The following SLC25A21 variants were observed in gnomAD, a reference collection of about 807,000 sequenced individuals.
SLC25A21 encodes mitochondrial 2-oxodicarboxylate carrier.
SLC25A21 carries 47 observed loss-of-function variants against 43.8 expected under a neutral mutation model. That is an observed-to-expected ratio of 1.07 (90% CI 0.85 to 1.37). The LOEUF is 1.37. SLC25A21 is among the 40% of genes most tolerant of loss of function. The probability of loss-of-function intolerance (pLI) is 0.00; values close to 1 mark genes in which losing one functional copy is unlikely to be tolerated. For synonymous variants in SLC25A21, 131 were observed against 121.3 expected (o/e 1.08, Z -0.52); for missense variants, 352 against 350.2 (o/e 1.00, Z -0.04).
Position 36,680,203 on chromosome 14 carries a change from T to C in SLC25A21, c.*455A>G. 1 of 862,488 alleles carries C rather than the reference T, an allele frequency of 1.2e-6. No individual in the cohort carries two copies. Among genetic ancestry groups the C allele is most frequent in the Non-Finnish European group, 1.4e-6 (1 of 718,546 alleles). The allele number at this position is 862,488 out of a possible 1,614,324, so 53.4% of individuals were successfully genotyped here. A position where few individuals can be genotyped will look rare whatever the true frequency, so the allele number is the denominator to read the frequency against. On this transcript the variant is annotated 3_prime_UTR_variant, in exon 10 of 10. Coordinates refer to ENST00000331299, the MANE Select transcript of SLC25A21 (RefSeq NM_030631.4). ...TTATTTATGGAATAATTTAATTCAT[T>C]ATAAAAACTGCTTAAATTTTGGCTT...
chr14:36,918,501 T>C (rs75108834), intron 1 of SLC25A21, among the ~76,000 whole-genome samples: 8,090 of 152,226 alleles, frequency 0.053, 331 homozygotes, highest in Middle Eastern at 0.14. Flanking sequence ...ACAGACTCCC[T>C]ACCTGAATCT....
intron 9 of SLC25A21, among the ~76,000 whole-genome samples, chr14:36,683,301 A>G (rs1310966617): frequency 1.3e-5 from 2 of 152,236 alleles, no homozygotes; most frequent in Non-Finnish European, 2.9e-5. Context: ...CTCCAGCGTC[A>G]TGCTGACAAA....
chr14:36,982,352 C>A (rs890940197), intron 1 of SLC25A21, among the ~76,000 whole-genome samples: 19 of 152,118 alleles, frequency 1.2e-4, no homozygotes, highest in African/African-American at 4.1e-4. Context: ...AGTAAACCTG[C>A]AGTGTACAAA....
intron 1 of SLC25A21, among the ~76,000 whole-genome samples, chr14:36,940,837 G>A (rs1892537680): frequency 6.6e-6 from 1 of 152,134 alleles, no homozygotes; most frequent in Non-Finnish European, 1.5e-5. Context: ...TTCCAACCAA[G>A]ATTTGGGCTG....
intron 1 of SLC25A21, among the ~76,000 whole-genome samples, chr14:37,049,225 G>A (rs1276646873): frequency 4.6e-5 from 7 of 152,136 alleles, no homozygotes; most frequent in Non-Finnish European, 8.8e-5. Context: ...AATCACGTCA[G>A]TAAGTTTCAC....
At position 36,679,944 on chromosome 14, in the gene SLC25A21, A is replaced by T; in HGVS notation, c.*714T>A. The T allele has an allele frequency of 2.3e-6, 2 of 882,920 alleles. No homozygotes were observed. The highest frequency in any genetic ancestry group is 2.7e-6 in the Non-Finnish European group (2 of 750,996). 54.7% of individuals were successfully genotyped at this position (882,920 alleles called of 1,614,324 possible). ...AGATTTGGAATACCTTGATTTAAACATGCTTAAACAACAGTGTTTTAACAT... is the reference window on the plus strand; with the variant it reads ...AGATTTGGAATACCTTGATTTAAACTTGCTTAAACAACAGTGTTTTAACAT... On this transcript the variant is annotated 3_prime_UTR_variant, in exon 10 of 10. Coordinates refer to ENST00000331299, the MANE Select transcript of SLC25A21 (RefSeq NM_030631.4).
At chr14:37,132,006 T>C (rs577547232) in intron 1 of SLC25A21, among the ~76,000 whole-genome samples, 1 of 152,284 alleles carries the variant, frequency 6.6e-6, no homozygotes, top group South Asian at 2.1e-4. Flanking sequence ...AAGAAATTTA[T>C]TTCTCACAGT....
intron 6 of SLC25A21, among the ~76,000 whole-genome samples, chr14:36,720,384 A>G (rs181769445): frequency 1.2e-4 from 19 of 152,334 alleles, no homozygotes; most frequent in African/African-American, 4.1e-4. Context: ...GCTGTGTAGG[A>G]CACCATGGTG....
chr14:36,720,271 C>G (rs1224177941), intron 6 of SLC25A21, among the ~76,000 whole-genome samples: 1 of 152,240 alleles, frequency 6.6e-6, no homozygotes. Flanking sequence ...GTGCCCCTCT[C>G]AGCTGCAGCA....
intron 7 of SLC25A21, among the ~76,000 whole-genome samples, chr14:36,700,077 G>A (rs1455124179): frequency 1.3e-5 from 2 of 152,024 alleles, no homozygotes; most frequent in Non-Finnish European, 2.9e-5. Flanking sequence ...CGGCCATCTT[G>A]GAACACCCCA....
intron 1 of SLC25A21, among the ~76,000 whole-genome samples, chr14:37,108,704 AGTGTGTGTGTGTGTGTGTGTGTGT>A: frequency 6.7e-6 from 1 of 149,350 alleles, no homozygotes; most frequent in Non-Finnish European, 1.5e-5. Flanking sequence ...AGTTTTGTTA[AGTGTGTGTGTGTGTGTGTGTGTGT>A]GTGTGTGTGT....
intron 2 of SLC25A21, among the ~76,000 whole-genome samples, chr14:36,835,397 G>A (rs1889175825): frequency 6.6e-6 from 1 of 152,144 alleles, no homozygotes; most frequent in African/African-American, 2.4e-5. Context: ...CACGAGATAA[G>A]ATCTTCTCAG....
chr14:37,140,978 T>G (rs1566909309), intron 1 of SLC25A21, among the ~76,000 whole-genome samples: 1 of 152,132 alleles, frequency 6.6e-6, no homozygotes, highest in Non-Finnish European at 1.5e-5. Flanking sequence ...AAATTCCGTC[T>G]CTACAAATAA....
chr14:36,840,809 G>A (rs1030082170), intron 2 of SLC25A21, among the ~76,000 whole-genome samples: 4 of 152,200 alleles, frequency 2.6e-5, no homozygotes, highest in African/African-American at 9.7e-5. Context: ...CGACGAGTCA[G>A]AAGGAAGGGA....
intron 1 of SLC25A21, among the ~76,000 whole-genome samples, chr14:37,069,949 C>T (rs1962138218): frequency 6.6e-6 from 1 of 152,170 alleles, no homozygotes; most frequent in Admixed American, 6.5e-5. Context: ...AACACACGCA[C>T]ATTACTGTTC....
intron 2 of SLC25A21, among the ~76,000 whole-genome samples, chr14:36,869,490 G>A (rs892968844): frequency 6.6e-6 from 1 of 152,182 alleles, no homozygotes; most frequent in Non-Finnish European, 1.5e-5. Flanking sequence ...GGGATTGCCA[G>A]GAAAGACCCT....
At chr14:37,007,638 A>G (rs1960635956) in intron 1 of SLC25A21, among the ~76,000 whole-genome samples, 1 of 149,944 alleles carries the variant, frequency 6.7e-6, no homozygotes, top group Non-Finnish European at 1.5e-5. Context: ...CTTTGAGGCC[A>G]TTCAGTACTT....
intron 7 of SLC25A21, among the ~76,000 whole-genome samples, chr14:36,689,102 T>G (rs1284531307): frequency 6.6e-6 from 1 of 152,214 alleles, no homozygotes. Flanking sequence ...GGACTTACAG[T>G]TCCACATGGT....
At chr14:37,006,156 C>T (rs916330381) in intron 1 of SLC25A21, among the ~76,000 whole-genome samples, 1 of 152,112 alleles carries the variant, frequency 6.6e-6, no homozygotes, top group African/African-American at 2.4e-5. Flanking sequence ...AGCCCACCAA[C>T]AATTCCAAAG....
Sources: allele counts gnomAD v4.1 joint callset (sites outside exome capture counted in the v4.1 genomes callset), GRCh38; gene constraint gnomAD v4.1.1; transcripts MANE v1.5; gene names NCBI Gene and HGNC (gene_info 2026-07-23, HGNC 2026-07-21).